Variants in DYM observed in about 807,000 individuals in gnomAD.
The protein encoded by DYM is dyggve-Melchior-Clausen syndrome protein.
Under a neutral mutation model 93.1 loss-of-function variants are expected in DYM, and 78 were observed. That is an observed-to-expected ratio of 0.84 (90% confidence interval 0.70 to 1.01). DYM has a LOEUF of 1.01. Ranked by LOEUF, DYM falls within the 50% of genes least tolerant of loss-of-function variation. The probability of loss-of-function intolerance (pLI) is 0.00; values close to 1 mark genes in which losing one functional copy is unlikely to be tolerated. For synonymous variants in DYM, 321 were observed against 319.7 expected (o/e 1.00, Z -0.04); for missense variants, 789 against 845.0 (o/e 0.93, Z 0.82).
intron 13 of DYM, among the ~76,000 whole-genome samples, chr18:49,237,152 T>G (rs1216315779): frequency 1.3e-5 from 2 of 152,096 alleles, no homozygotes; most frequent in East Asian, 1.9e-4. Flanking sequence ...GTTAGGTAAC[T>G]TCCCAAGATC....
At chr18:49,259,797 A>C (rs552487164) in intron 11 of DYM, among the ~76,000 whole-genome samples, 1 of 152,348 alleles carries the variant, frequency 6.6e-6, no homozygotes, top group African/African-American at 2.4e-5. Context: ...GGTAGATGAA[A>C]TAAGAACAGC....
At chr18:49,425,901 T>C (rs1399439942) in intron 2 of DYM, among the ~76,000 whole-genome samples, 2 of 151,684 alleles carry the variant, frequency 1.3e-5, no homozygotes, top group Non-Finnish European at 2.9e-5. Flanking sequence ...AAACAACAGG[T>C]GCTGGAGAGG....
chr18:49,155,190 A>G (rs761334626), intron 15 of DYM, among the ~76,000 whole-genome samples: 1 of 152,226 alleles, frequency 6.6e-6, no homozygotes, highest in Non-Finnish European at 1.5e-5. Flanking sequence ...CGCAGTTTCT[A>G]AAGTCAAATC....
intron 11 of DYM, among the ~76,000 whole-genome samples, chr18:49,265,577 G>A (rs574151113): frequency 1.3e-5 from 2 of 152,076 alleles, no homozygotes; most frequent in African/African-American, 2.4e-5. Context: ...TCGCGAGTTC[G>A]AGACTAGCCT....
intron 11 of DYM, among the ~76,000 whole-genome samples, chr18:49,268,833 TA>T (rs1382578219): frequency 3.9e-5 from 6 of 152,130 alleles, no homozygotes; most frequent in Non-Finnish European, 8.8e-5. Context: ...AAGTCATGTT[TA>T]AAAAGTTGAT....
chr18:49,278,821 C>CA (rs557077278), intron 10 of DYM, among the ~76,000 whole-genome samples: 63 of 149,394 alleles, frequency 4.2e-4, no homozygotes, highest in Admixed American at 1.0e-3. Context: ...TGACTGAAGC[C>CA]AAAAAAAAAG....
At chr18:49,056,535 T>C (rs991914038) in intron 17 of DYM, among the ~76,000 whole-genome samples, 5 of 152,164 alleles carry the variant, frequency 3.3e-5, no homozygotes, top group African/African-American at 9.7e-5. Flanking sequence ...TCCTGCTTTA[T>C]TTATTTTATT....
intron 14 of DYM, 53 bp from the exon 15 acceptor site, chr18:49,163,840 G>T: frequency 8.5e-7 from 1 of 1,170,574 alleles, no homozygotes; most frequent in Non-Finnish European, 1.2e-6. Context: ...TTTCTTTTCT[G>T]TCTTCTGTGG....
intron 14 of DYM, among the ~76,000 whole-genome samples, chr18:49,168,977 CA>C (rs1359983772): frequency 6.6e-6 from 1 of 152,072 alleles, no homozygotes; most frequent in Admixed American, 6.6e-5. Context: ...TGAGAAGTGG[CA>C]AGAAATGAAG....
intron 16 of DYM, among the ~76,000 whole-genome samples, chr18:49,105,514 A>G (rs988336195): frequency 6.6e-6 from 1 of 152,134 alleles, no homozygotes; most frequent in Non-Finnish European, 1.5e-5. Context: ...TGTCAATTTT[A>G]GATCTGTCCT....
At chr18:49,252,909 C>T (rs1246309467) in intron 13 of DYM, among the ~76,000 whole-genome samples, 1 of 152,130 alleles carries the variant, frequency 6.6e-6, no homozygotes, top group Non-Finnish European at 1.5e-5. Context: ...AGCAAATATG[C>T]ACACTTATGG....
chr18:49,424,897 C>T (rs1032955904), intron 2 of DYM, among the ~76,000 whole-genome samples: 1 of 152,178 alleles, frequency 6.6e-6, no homozygotes, highest in East Asian at 1.9e-4. Context: ...TAAAAGAGGA[C>T]ACAAACAAAT....
At chr18:49,116,242 C>T (rs2081913659) in intron 16 of DYM, 1 of 152,194 alleles carries the variant, frequency 6.6e-6, no homozygotes, top group South Asian at 2.1e-4. Flanking sequence ...TTTATCATAG[C>T]AGTGTTGCTT....
intron 1 of DYM, among the ~76,000 whole-genome samples, chr18:49,441,176 T>A (rs2081484537): frequency 6.5e-5 from 2 of 30,944 alleles, no homozygotes; most frequent in Non-Finnish European, 1.1e-4. Context: ...ATTATATAAT[T>A]ATATATTTAT....
At chr18:49,115,009 AC>A (rs985522349) in intron 16 of DYM, among the ~76,000 whole-genome samples, 2 of 152,126 alleles carry the variant, frequency 1.3e-5, no homozygotes, top group African/African-American at 4.8e-5. Flanking sequence ...TTATCATCAA[AC>A]TCTGGGTTTA....
At chr18:49,104,763 C>T (rs1568427345) in intron 16 of DYM, among the ~76,000 whole-genome samples, 1 of 152,224 alleles carries the variant, frequency 6.6e-6, no homozygotes, top group Non-Finnish European at 1.5e-5. Flanking sequence ...ATGAAGCCCA[C>T]TTGATCATGG....
intron 15 of DYM, among the ~76,000 whole-genome samples, chr18:49,155,392 C>T (rs947038097): frequency 8.5e-5 from 13 of 152,150 alleles, no homozygotes; most frequent in African/African-American, 3.1e-4. Context: ...CATCAAGATA[C>T]AATTCATATA....
At chr18:49,116,988 C>T (rs574820343) in intron 16 of DYM, among the ~76,000 whole-genome samples, 181 of 152,304 alleles carry the variant, frequency 1.2e-3, no homozygotes, top group African/African-American at 4.0e-3. Flanking sequence ...CGAGAAGTTG[C>T]TAAGGATGCT....
At chr18:49,083,766 T>A (rs1161274462) in intron 17 of DYM, among the ~76,000 whole-genome samples, 1 of 152,200 alleles carries the variant, frequency 6.6e-6, no homozygotes, top group Non-Finnish European at 1.5e-5. Flanking sequence ...TCATCTACAA[T>A]GTTTAATTTG....
Sources: allele counts gnomAD v4.1 joint callset (sites outside exome capture counted in the v4.1 genomes callset), GRCh38; gene constraint gnomAD v4.1.1; transcripts MANE v1.5; gene names NCBI Gene and HGNC (gene_info 2026-07-23, HGNC 2026-07-21).